Variants in BMPER observed in about 807,000 individuals in gnomAD.
BMPER encodes the protein BMP-binding endothelial regulator protein.
In BMPER, 45 loss-of-function variants were observed where a neutral mutation model predicts 87.3. That is an observed-to-expected ratio of 0.52 (90% CI 0.41 to 0.66). The LOEUF (loss-of-function observed/expected upper bound fraction) is 0.66. Ranked by LOEUF, BMPER falls within the 30% of genes least tolerant of loss-of-function variation. The probability of loss-of-function intolerance (pLI) is 0.00; values close to 1 mark genes in which losing one functional copy is unlikely to be tolerated. For synonymous variants in BMPER, 326 were observed against 316.2 expected, an observed-to-expected ratio of 1.03 and a Z score of -0.33; for missense variants, 784 against 867.5, an observed-to-expected ratio of 0.90 and a Z score of 1.21.
At position 34,155,929 on chromosome 7, in the gene BMPER, T is replaced by C. The variant is rs1791293691; in HGVS notation, c.*2656T>C. On this transcript the variant is annotated 3_prime_UTR_variant, in exon 15 of 15. Transcript: ENST00000649409. ...GAACAAGCATAATTATGATTCTAAT[T>C]GCCCATTGTTGGTACTCAGTAAAAC... 6.6e-6 allele frequency: 1 copy of C among 152,250 alleles called. No individual in the cohort carries two copies. Among genetic ancestry groups the C allele is most frequent in the African/African-American group, 2.4e-5 (1 of 41,472 alleles). 9.4% of individuals were successfully genotyped at this position (152,250 alleles called of 1,614,324 possible). A position where few individuals can be genotyped will look rare whatever the true frequency, so the allele number is the denominator to read the frequency against.
chr7:33,928,218 G>A (rs1174936150), intron 2 of BMPER, among the ~76,000 whole-genome samples: 4 of 152,136 alleles, frequency 2.6e-5, no homozygotes, highest in Middle Eastern at 3.2e-3. Context: ...GAACCCTCTC[G>A]GTTCACATGC....
intron 3 of BMPER, among the ~76,000 whole-genome samples, chr7:33,944,025 GA>G (rs1174746403): frequency 1.3e-5 from 2 of 152,162 alleles, no homozygotes; most frequent in Non-Finnish European, 2.9e-5. Flanking sequence ...TGTTTTCACA[GA>G]ATTTGGTCCA....
chr7:33,987,424 A>T (rs1011770691), intron 6 of BMPER, among the ~76,000 whole-genome samples: 2 of 152,092 alleles, frequency 1.3e-5, no homozygotes, highest in African/African-American at 4.8e-5. Flanking sequence ...GCACCATCCA[A>T]CATTCCCTTC....
At chr7:33,931,858 A>G (rs1784488051) in intron 2 of BMPER, among the ~76,000 whole-genome samples, 1 of 152,184 alleles carries the variant, frequency 6.6e-6, no homozygotes, top group African/African-American at 2.4e-5. Flanking sequence ...AAAATGTCCT[A>G]TTTGTGCTCA....
At chr7:34,075,577 C>A (rs1788843587) in intron 11 of BMPER, among the ~76,000 whole-genome samples, 1 of 152,182 alleles carries the variant, frequency 6.6e-6, no homozygotes, top group Non-Finnish European at 1.5e-5. Context: ...AAGCTGGCAT[C>A]TTTCTCCCCA....
chr7:33,943,189 C>CCAATTTATTGTG (rs1348677356), intron 3 of BMPER, among the ~76,000 whole-genome samples: 3 of 152,128 alleles, frequency 2.0e-5, no homozygotes, highest in African/African-American at 7.2e-5. Flanking sequence ...ACAACTGTTA[C>CCAATTTATTGTG]CAATTTATTG....
chr7:34,052,119 T>C, intron 8 of BMPER, 149 bp downstream of exon 8: 1 of 779,162 alleles, frequency 1.3e-6, no homozygotes, highest in Non-Finnish European at 2.2e-6. Flanking sequence ...ATACTCAAGG[T>C]CACCAAGGAC....
chr7:34,048,131 T>C (rs189172891), intron 7 of BMPER, among the ~76,000 whole-genome samples: 1 of 152,098 alleles, frequency 6.6e-6, no homozygotes. Context: ...CTTTCAGAGT[T>C]TACTGTCTTC....
chr7:34,068,572 C>CAAATA (rs912210573), intron 11 of BMPER, among the ~76,000 whole-genome samples: 1 of 59,776 alleles, frequency 1.7e-5, no homozygotes, highest in Non-Finnish European at 3.3e-5. Flanking sequence ...AGCTCACTGA[C>CAAATA]AAACTGGCTT....
chr7:34,115,210 C>T (rs1387352929), intron 13 of BMPER, among the ~76,000 whole-genome samples: 1 of 152,046 alleles, frequency 6.6e-6, no homozygotes, highest in Non-Finnish European at 1.5e-5. Context: ...GAAATAAGAA[C>T]AGTACAGATA....
intron 2 of BMPER, among the ~76,000 whole-genome samples, chr7:33,914,387 G>A (rs1403971621): frequency 1.3e-5 from 2 of 152,150 alleles, no homozygotes; most frequent in South Asian, 2.1e-4. Flanking sequence ...CGTTTATAGC[G>A]CTTGGCAAGA....
intron 11 of BMPER, among the ~76,000 whole-genome samples, chr7:34,070,151 T>C (rs1788699422): frequency 6.6e-6 from 1 of 152,208 alleles, no homozygotes; most frequent in Non-Finnish European, 1.5e-5. Flanking sequence ...AAGATGCTAA[T>C]GTAGTAGATC....
chr7:34,153,306 G>A lies in BMPER; in HGVS notation c.*33G>A. The A allele has an allele frequency of 6.2e-7, 1 of 1,612,444 alleles. No homozygotes were observed. ...TTCGATCCTTAAGACTCTGAAATCT[G>A]GTGACTTTGACACTGAAGCGGAAGA... is the stretch of plus-strand genomic sequence containing the variant. On this transcript the variant is annotated 3_prime_UTR_variant, in exon 15 of 15. Coordinates refer to ENST00000649409, the MANE Select transcript of BMPER (RefSeq NM_001365308.1).
At chr7:33,913,690 C>A (rs1784018143) in intron 2 of BMPER, among the ~76,000 whole-genome samples, 1 of 152,172 alleles carries the variant, frequency 6.6e-6, no homozygotes, top group African/African-American at 2.4e-5. Context: ...CCCAAAAAGA[C>A]ACAGTTGCTA....
intron 3 of BMPER, among the ~76,000 whole-genome samples, chr7:33,964,618 A>G (rs548580656): frequency 1.3e-5 from 2 of 152,290 alleles, no homozygotes; most frequent in East Asian, 1.9e-4. Context: ...CTTTTATCCC[A>G]TAAAGAGTGG....
intron 6 of BMPER, among the ~76,000 whole-genome samples, chr7:34,041,915 G>A (rs1239949151): frequency 3.9e-5 from 6 of 152,126 alleles, no homozygotes; most frequent in African/African-American, 1.4e-4. Context: ...TCTTGTTAGG[G>A]AGCCAAGCTC....
intron 13 of BMPER, among the ~76,000 whole-genome samples, chr7:34,122,727 G>C (rs1227282336): frequency 6.6e-6 from 1 of 152,192 alleles, no homozygotes; most frequent in Admixed American, 6.5e-5. Context: ...CTTTGAGAGA[G>C]AATATTACAG....
At chr7:34,135,047 C>T (rs1790686168) in intron 13 of BMPER, among the ~76,000 whole-genome samples, 1 of 152,134 alleles carries the variant, frequency 6.6e-6, no homozygotes, top group African/African-American at 2.4e-5. Context: ...TGCCATTCAC[C>T]TCCTGGGGAA....
At chr7:34,024,370 A>AC (rs1787283597) in intron 6 of BMPER, among the ~76,000 whole-genome samples, 1 of 101,738 alleles carries the variant, frequency 9.8e-6, no homozygotes, top group African/African-American at 4.8e-5. Flanking sequence ...AAAAAAAAAA[A>AC]AAAAAAAAAA....
Sources: gnomAD v4.1 joint callset for allele counts (sites outside exome capture counted in the v4.1 genomes callset) on GRCh38, gnomAD v4.1.1 for gene constraint, MANE v1.5 for transcripts, NCBI Gene and HGNC (gene_info 2026-07-23, HGNC 2026-07-21) for gene names.